Variants in PDE4B observed in about 807,000 individuals in gnomAD.
The protein encoded by PDE4B is 3',5'-cyclic-AMP phosphodiesterase 4B.
PDE4B carries 20 observed loss-of-function variants against 82.2 expected under a neutral mutation model. That is an observed-to-expected ratio of 0.24 (90% confidence interval 0.17 to 0.35). The LOEUF is 0.35. Ranked by LOEUF, PDE4B falls within the 10% of genes least tolerant of loss-of-function variation. The probability of loss-of-function intolerance (pLI) is 1.00; values close to 1 mark genes in which losing one functional copy is unlikely to be tolerated. For synonymous variants in PDE4B, 320 were observed against 318.9 expected, an observed-to-expected ratio of 1.00 and a Z score of -0.04; for missense variants, 655 against 907.2, an observed-to-expected ratio of 0.72 and a Z score of 3.57.
chr1:66,197,400 G>A (rs1189045832), intron 3 of PDE4B, among the ~76,000 whole-genome samples: 1 of 152,064 alleles, frequency 6.6e-6, no homozygotes, highest in Non-Finnish European at 1.5e-5. Flanking sequence ...ATAACTTATA[G>A]ATGTTAATCT....
In PDE4B at chr1:66,367,681, G is replaced by T. The variant is rs959125737; in HGVS notation, c.1385-15G>T. ...TCCCTTTTTAATTAAGTCATCATTT[G>T]GTCTGATTTATTAGATTCAGAACTT... On this transcript the variant is annotated splice_polypyrimidine_tract_variant and intron_variant, in intron 13 of 16. Coordinates refer to ENST00000341517, the MANE Select transcript of PDE4B (RefSeq NM_002600.4). 8.8e-6 allele frequency: 14 copies of T among 1,591,448 alleles called. No homozygotes were observed. The highest frequency in any genetic ancestry group is 3.3e-4 in the Middle Eastern group (2 of 5,982).
At chr1:65,829,062 A>C (rs1174159945) in intron 1 of PDE4B, among the ~76,000 whole-genome samples, 1 of 151,052 alleles carries the variant, frequency 6.6e-6, no homozygotes, top group African/African-American at 2.4e-5. Flanking sequence ...TGTACGAACA[A>C]CAACAACAAA....
intron 2 of PDE4B, among the ~76,000 whole-genome samples, chr1:65,914,470 CTTT>C (rs34161281): frequency 1.4e-5 from 2 of 145,104 alleles, no homozygotes; most frequent in East Asian, 3.9e-4. Flanking sequence ...TCTTCTTCTT[CTTT>C]TTTTTTTTTC....
chr1:66,173,910 C>T (rs1646884327), intron 3 of PDE4B, among the ~76,000 whole-genome samples: 1 of 152,144 alleles, frequency 6.6e-6, no homozygotes, highest in Non-Finnish European at 1.5e-5. Flanking sequence ...CCTCAGCCTC[C>T]TGAGTAGCAG....
intron 3 of PDE4B, among the ~76,000 whole-genome samples, chr1:66,012,560 C>T (rs984352358): frequency 8.6e-5 from 13 of 152,040 alleles, no homozygotes; most frequent in African/African-American, 2.4e-4. Context: ...CCTTCTGTGC[C>T]GTTTGAAGCT....
At chr1:65,848,114 G>A (rs890002807) in intron 1 of PDE4B, among the ~76,000 whole-genome samples, 1 of 151,496 alleles carries the variant, frequency 6.6e-6, no homozygotes, top group African/African-American at 2.4e-5. Flanking sequence ...TAAACAATAA[G>A]ATGGACCCAT....
chr1:65,992,679 G>T (rs114408173), intron 3 of PDE4B: 1 of 1,256,694 alleles, frequency 8.0e-7, no homozygotes, highest in South Asian at 2.4e-5. Context: ...GCACTTTGGC[G>T]CATTTTCAGA....
chr1:66,051,172 C>T (rs1040630954), intron 3 of PDE4B, among the ~76,000 whole-genome samples: 5 of 151,726 alleles, frequency 3.3e-5, no homozygotes, highest in African/African-American at 7.3e-5. Context: ...CAAACCTGCA[C>T]GTTGTGCACA....
intron 1 of PDE4B, among the ~76,000 whole-genome samples, chr1:65,900,937 A>T (rs1646964976): frequency 6.6e-6 from 1 of 151,962 alleles, no homozygotes; most frequent in Non-Finnish European, 1.5e-5. Context: ...TATTTGGATA[A>T]CTTTTATTTC....
At chr1:65,940,849 G>C (rs1262403785) in intron 3 of PDE4B, among the ~76,000 whole-genome samples, 1 of 151,994 alleles carries the variant, frequency 6.6e-6, no homozygotes, top group African/African-American at 2.4e-5. Flanking sequence ...TGAAATTTCA[G>C]ATGAGAGAGA....
intron 3 of PDE4B, among the ~76,000 whole-genome samples, chr1:66,063,728 C>T (rs749675111): frequency 2.0e-5 from 3 of 151,822 alleles, no homozygotes; most frequent in Non-Finnish European, 2.9e-5. Flanking sequence ...TTTTAATTAA[C>T]ATTGGGTAAA....
At chr1:65,953,500 T>C (rs1003289499) in intron 3 of PDE4B, among the ~76,000 whole-genome samples, 6 of 152,010 alleles carry the variant, frequency 3.9e-5, no homozygotes, top group South Asian at 2.1e-4. Flanking sequence ...GAAGCCAAAA[T>C]TGGAGTTGTG....
chr1:66,021,969 C>G (rs1004535695), intron 3 of PDE4B, among the ~76,000 whole-genome samples: 5 of 151,992 alleles, frequency 3.3e-5, no homozygotes, highest in African/African-American at 7.2e-5. Context: ...CCATTTGTTT[C>G]TGTCCTCTTT....
chr1:65,946,309 TTGTTGGA>T (rs1648710441), intron 3 of PDE4B, among the ~76,000 whole-genome samples: 1 of 151,976 alleles, frequency 6.6e-6, no homozygotes, highest in Admixed American at 6.6e-5. Flanking sequence ...ATTTTATGAT[TTGTTGGA>T]TCTATTGGTA....
In PDE4B at chr1:66,311,386, A is replaced by G. The variant is rs558062196; in HGVS notation, c.635-21122A>G. 6.6e-5 allele frequency among the ~76,000 whole-genome samples: 10 copies of G among 152,392 alleles called. No homozygotes were observed. In the East Asian group the frequency reaches 1.7e-3, roughly 26 times the overall value. ...CAGATTTATACAAATCATCATTGCT[A>G]TGAGAAGACATGCCTTCACTGTCTC... is the stretch of plus-strand genomic sequence containing the variant. On this transcript the variant is annotated intron_variant, in intron 7 of 16. Transcript: ENST00000341517.
chr1:66,092,893 G>A (rs1430954388), intron 3 of PDE4B, among the ~76,000 whole-genome samples: 3 of 152,048 alleles, frequency 2.0e-5, no homozygotes, highest in Non-Finnish European at 2.9e-5. Flanking sequence ...AGAATGAGAG[G>A]AGATTTCAGA....
At chr1:66,146,040 C>T (rs551264948) in intron 3 of PDE4B, among the ~76,000 whole-genome samples, 56 of 152,312 alleles carry the variant, frequency 3.7e-4, no homozygotes, top group African/African-American at 1.3e-3. Flanking sequence ...TAGTCCACCC[C>T]TCACTTCTGG....
At chr1:66,205,367 A>G (rs1310244207) in intron 3 of PDE4B, among the ~76,000 whole-genome samples, 1 of 152,224 alleles carries the variant, frequency 6.6e-6, no homozygotes, top group Admixed American at 6.5e-5. Flanking sequence ...AGAGATAACT[A>G]CTGATAACAT....
At chr1:66,302,656 A>G (rs1366843490) in intron 7 of PDE4B, among the ~76,000 whole-genome samples, 2 of 152,204 alleles carry the variant, frequency 1.3e-5, no homozygotes, top group East Asian at 3.8e-4. Context: ...GTTCCGAAAG[A>G]TAAAGTGACT....
Sources: allele counts gnomAD v4.1 joint callset (sites outside exome capture counted in the v4.1 genomes callset), GRCh38; gene constraint gnomAD v4.1.1; transcripts MANE v1.5; gene names NCBI Gene and HGNC (gene_info 2026-07-23, HGNC 2026-07-21).